Variants in KIF13B observed in about 807,000 individuals in gnomAD.
KIF13B encodes kinesin-like protein KIF13B.
Under a neutral mutation model 222.0 loss-of-function variants are expected in KIF13B, and 127 were observed. The ratio of observed to expected loss-of-function variants is 0.57; its 90% CI spans 0.50 to 0.66. The LOEUF (loss-of-function observed/expected upper bound fraction) is 0.66, where lower values mean the gene tolerates loss of function less well. Ranked by LOEUF, KIF13B falls within the 30% of genes least tolerant of loss-of-function variation. The pLI is 0.00. For synonymous variants in KIF13B, 976 were observed against 919.0 expected (o/e 1.06, Z -1.12); for missense variants, 2,173 against 2,379.0 (o/e 0.91, Z 1.80).
chr8:29,219,911 A>C (rs2130520405), intron 2 of KIF13B, among the ~76,000 whole-genome samples: 1 of 152,136 alleles, frequency 6.6e-6, no homozygotes, highest in Admixed American at 6.5e-5. Context: ...AAAAATACAA[A>C]ACATTAGCCG....
At chr8:29,100,256 C>T (rs1384397925) in intron 35 of KIF13B, among the ~76,000 whole-genome samples, 1 of 152,182 alleles carries the variant, frequency 6.6e-6, no homozygotes, top group African/African-American at 2.4e-5. Flanking sequence ...ACCATCAAAG[C>T]ACTTTTAACT....
intron 2 of KIF13B, among the ~76,000 whole-genome samples, chr8:29,240,424 G>A (rs1815721091): frequency 6.6e-6 from 1 of 152,094 alleles, no homozygotes; most frequent in African/African-American, 2.4e-5. Flanking sequence ...TCAAGAAAGT[G>A]GTTAACTGTG....
intron 18 of KIF13B, among the ~76,000 whole-genome samples, chr8:29,145,278 C>T (rs1455126028): frequency 1.3e-5 from 2 of 152,124 alleles, no homozygotes; most frequent in African/African-American, 4.8e-5. Context: ...TCATATTTGC[C>T]AAATATCTAA....
chr8:29,218,472 TAA>T (rs1167639069), intron 2 of KIF13B, among the ~76,000 whole-genome samples: 1 of 152,102 alleles, frequency 6.6e-6, no homozygotes, highest in Non-Finnish European at 1.5e-5. Flanking sequence ...AGCTAAAAAT[TAA>T]AAAGAGACAG....
intron 37 of KIF13B, among the ~76,000 whole-genome samples, chr8:29,089,160 G>C (rs1450022281): frequency 6.6e-6 from 1 of 152,224 alleles, no homozygotes; most frequent in Admixed American, 6.5e-5. Context: ...TTACAGTCTG[G>C]GCATGGTGGC....
At chr8:29,164,871 G>A (rs578109037) in intron 12 of KIF13B, among the ~76,000 whole-genome samples, 14 of 148,782 alleles carry the variant, frequency 9.4e-5, no homozygotes, top group Middle Eastern at 6.8e-3. Context: ...TTTTTTAGAT[G>A]GAGTCTTGCT....
At chr8:29,260,656 G>A (rs912127933) in intron 1 of KIF13B, among the ~76,000 whole-genome samples, 9 of 150,722 alleles carry the variant, frequency 6.0e-5, no homozygotes, top group Non-Finnish European at 8.8e-5. Flanking sequence ...CACTCTTGTC[G>A]CCCAGGGTGG....
Position 29,098,325 on chromosome 8 carries a change from G to A in KIF13B, c.4324+808C>T, listed in dbSNP as rs140625485. ...TATTCCCATACTAAATAAACTTGCC[G>A]GGTGCAGTAGCTCACGCCTGTAATC... On this transcript the variant is annotated intron_variant, in intron 36 of 39. Transcript: ENST00000524189. Among the ~76,000 whole-genome samples the A allele has an allele frequency of 7.2e-3, 1,090 of 150,370 alleles. 16 individuals are homozygous for A. Among genetic ancestry groups the A allele is most frequent in the African/African-American group, 0.025 (1,025 of 40,884 alleles).
chr8:29,142,390 C>T, intron 18 of KIF13B, 87 bp from the exon 19 acceptor site: 1 of 1,156,474 alleles, frequency 8.6e-7, no homozygotes, highest in Non-Finnish European at 1.2e-6. Context: ...AGTCAAATGT[C>T]ATTACACCAA....
At chr8:29,110,465 C>CCACCGAGA in intron 32 of KIF13B, 2 of 215,700 alleles carry the variant, frequency 9.3e-6, no homozygotes, top group South Asian at 6.6e-5. Flanking sequence ...GCTGGGGTGA[C>CCACCGAGA]TGCTACACAG....
At chr8:29,199,086 T>TTTTTTTTTTTTTTTTTTA (rs1358025375) in intron 2 of KIF13B, among the ~76,000 whole-genome samples, 1 of 151,862 alleles carries the variant, frequency 6.6e-6, no homozygotes, top group African/African-American at 2.4e-5. Flanking sequence ...AATAAAATTT[T>TTTTTTTTTTTTTTTTTTA]TTAAAAAATA....
intron 1 of KIF13B, among the ~76,000 whole-genome samples, chr8:29,250,458 C>T (rs1816234561): frequency 1.3e-5 from 2 of 152,124 alleles, no homozygotes; most frequent in South Asian, 4.1e-4. Flanking sequence ...GATTAAGGGA[C>T]CAATCCCTAG....
intron 1 of KIF13B, among the ~76,000 whole-genome samples, chr8:29,252,946 A>G (rs1171513953): frequency 6.6e-6 from 1 of 152,244 alleles, no homozygotes; most frequent in Non-Finnish European, 1.5e-5. Flanking sequence ...CACTACTTTT[A>G]TATTGTTACT....
chr8:29,168,099 C>T (rs908453771), intron 10 of KIF13B, among the ~76,000 whole-genome samples: 1 of 152,142 alleles, frequency 6.6e-6, no homozygotes, highest in Non-Finnish European at 1.5e-5. Flanking sequence ...ACATAAGGTA[C>T]AATTATAGTC....
rs907048612 is a variant in KIF13B, at chr8:29,107,772, G to A, written c.4215+367C>T. 2.0e-5 allele frequency among the ~76,000 whole-genome samples: 3 copies of A among 152,132 alleles called. No homozygotes were observed. In the South Asian group the frequency reaches 6.2e-4, roughly 32 times the overall value. On this transcript the variant is annotated intron_variant, in intron 35 of 39. Coordinates refer to ENST00000524189, the MANE Select transcript of KIF13B (RefSeq NM_015254.4). ...AGACGGGGTTTCACCGTGTTAGCCA[G>A]GATGGTCTCGATCTCCTGACCTCGT...
intron 1 of KIF13B, among the ~76,000 whole-genome samples, chr8:29,262,516 G>A (rs1425777226): frequency 6.6e-6 from 1 of 151,976 alleles, no homozygotes; most frequent in Non-Finnish European, 1.5e-5. Flanking sequence ...GGGCGACCCG[G>A]GCGAGACGCG....
chr8:29,142,431 T>G (rs1343884995), intron 18 of KIF13B, 128 bp from the exon 19 acceptor site: 2 of 780,122 alleles, frequency 2.6e-6, no homozygotes, highest in Non-Finnish European at 4.0e-6. Flanking sequence ...TTTAATCTGT[T>G]GATTACAAAG....
At chr8:29,199,747 AAC>A (rs1304032863) in intron 2 of KIF13B, among the ~76,000 whole-genome samples, 2 of 152,174 alleles carry the variant, frequency 1.3e-5, no homozygotes, top group Non-Finnish European at 2.9e-5. Context: ...CTCTCGACTT[AAC>A]AATCTACGAA....
intron 37 of KIF13B, among the ~76,000 whole-genome samples, chr8:29,081,749 G>A (rs992133685): frequency 5.9e-5 from 9 of 152,280 alleles, no homozygotes; most frequent in East Asian, 1.9e-4. Context: ...TACATGGCTC[G>A]CATTATGTAT....
Sources: gnomAD v4.1 joint callset for allele counts (sites outside exome capture counted in the v4.1 genomes callset) on GRCh38, gnomAD v4.1.1 for gene constraint, MANE v1.5 for transcripts, NCBI Gene and HGNC (gene_info 2026-07-23, HGNC 2026-07-21) for gene names.